GLIS3: variants seen among roughly 807,000 people sequenced by gnomAD.
GLIS3 encodes the protein zinc finger protein GLIS3.
Under a neutral mutation model 78.6 loss-of-function variants are expected in GLIS3, and 53 were observed. The observed-to-expected ratio is 0.67, with a 90% CI of 0.54 to 0.85. The LOEUF (loss-of-function observed/expected upper bound fraction) is 0.85, where lower values mean the gene tolerates loss of function less well. Among genes scored for constraint, GLIS3 ranks in the 40% least tolerant of loss-of-function variants. The pLI is 0.00. For missense variants in GLIS3, 1,703 were observed against 1,231.1 expected, an observed-to-expected ratio of 1.38 and a Z score of -5.74; for synonymous variants, 684 against 509.9, an observed-to-expected ratio of 1.34 and a Z score of -4.60.
intron 4 of GLIS3, among the ~76,000 whole-genome samples, chr9:3,955,283 T>C (rs1030572887): frequency 6.6e-6 from 1 of 152,192 alleles, no homozygotes; most frequent in African/African-American, 2.4e-5. Flanking sequence ...AAGTTTCACA[T>C]TGAAAGCTGA....
chr9:4,373,901 C>T, the GLIS3 span, among the ~76,000 whole-genome samples: 9 of 152,164 alleles, frequency 5.9e-5, no homozygotes, highest in African/African-American at 1.2e-4. Flanking sequence ...TTCCTGACCT[C>T]GTGATCTGCC....
intron 2 of GLIS3, among the ~76,000 whole-genome samples, chr9:4,132,584 A>G (rs1833059964): frequency 6.6e-6 from 1 of 152,108 alleles, no homozygotes; most frequent in South Asian, 2.1e-4. Context: ...ACACTTATCA[A>G]ATGCCAACCA....
chr9:4,020,211 C>G (rs1822767987), intron 4 of GLIS3, among the ~76,000 whole-genome samples: 1 of 152,162 alleles, frequency 6.6e-6, no homozygotes, highest in African/African-American at 2.4e-5. Context: ...GGGCATTCCT[C>G]CTGGTGTGCA....
intron 2 of GLIS3, among the ~76,000 whole-genome samples, chr9:4,316,761 G>C (rs1817442972): frequency 6.6e-6 from 1 of 152,160 alleles, no homozygotes; most frequent in African/African-American, 2.4e-5. Context: ...CCCTGAACTG[G>C]AATAAGCTGG....
chr9:4,454,739 G>A, the GLIS3 span, among the ~76,000 whole-genome samples: 6 of 152,074 alleles, frequency 3.9e-5, no homozygotes, highest in East Asian at 1.9e-4. Context: ...GTTCCAGGTC[G>A]GGACAGTTAG....
At position 4,096,419 on chromosome 9, in the gene GLIS3, T is replaced by A. The variant is rs574940638; in HGVS notation, c.1710+21349A>T. On this transcript the variant is annotated intron_variant, in intron 4 of 10. Transcript: ENST00000381971. ...AAAAACAAAAGTAACACATTCATCCTGCACATAACTCCAGAACTCTAAGTT... is the reference window on the plus strand; with the variant it reads ...AAAAACAAAAGTAACACATTCATCCAGCACATAACTCCAGAACTCTAAGTT... 2.0e-5 allele frequency among the ~76,000 whole-genome samples: 3 copies of A among 152,380 alleles called. No individual in the cohort carries two copies. The South Asian group carries it at 6.2e-4, about 32-fold the overall frequency.
the GLIS3 span, among the ~76,000 whole-genome samples, chr9:4,477,686 T>C: frequency 6.6e-6 from 1 of 152,102 alleles, no homozygotes; most frequent in Non-Finnish European, 1.5e-5. Flanking sequence ...AGTGCTGGGA[T>C]TACAGGCATG....
At chr9:3,915,925 G>T (rs1824480508) in intron 6 of GLIS3, among the ~76,000 whole-genome samples, 1 of 152,066 alleles carries the variant, frequency 6.6e-6, no homozygotes, top group Admixed American at 6.6e-5. Context: ...ATCCTCCAAA[G>T]AACTAGGGAA....
At chr9:4,225,446 T>C (rs1276060044) in intron 2 of GLIS3, among the ~76,000 whole-genome samples, 1 of 152,216 alleles carries the variant, frequency 6.6e-6, no homozygotes, top group Non-Finnish European at 1.5e-5. Flanking sequence ...ATTTCCTCCA[T>C]TGGAATTCAG....
At chr9:4,269,978 G>C (rs1826357330) in intron 2 of GLIS3, among the ~76,000 whole-genome samples, 4 of 152,180 alleles carry the variant, frequency 2.6e-5, no homozygotes, top group Admixed American at 2.6e-4. Context: ...TGCCCCACAG[G>C]TGTTTGTAAT....
intron 4 of GLIS3, among the ~76,000 whole-genome samples, chr9:4,025,656 G>C (rs1387843875): frequency 1.3e-5 from 2 of 152,136 alleles, no homozygotes; most frequent in Admixed American, 6.5e-5. Context: ...AAAATGCTGG[G>C]ATTACAGGTG....
intron 5 of GLIS3, among the ~76,000 whole-genome samples, chr9:3,935,252 G>T (rs1825825978): frequency 6.6e-6 from 1 of 152,154 alleles, no homozygotes; most frequent in Admixed American, 6.5e-5. Flanking sequence ...TTACTAATTT[G>T]TTAAATGCAG....
chr9:4,435,763 T>A, the GLIS3 span, among the ~76,000 whole-genome samples: 6 of 151,782 alleles, frequency 4.0e-5, no homozygotes, highest in East Asian at 2.0e-4. Context: ...TCCTGGCTAA[T>A]ACAGTGAAAC....
intron 9 of GLIS3, among the ~76,000 whole-genome samples, chr9:3,830,229 G>C (rs977604769): frequency 1.3e-5 from 2 of 151,906 alleles, no homozygotes; most frequent in African/African-American, 4.8e-5. Flanking sequence ...ATTCAATGTA[G>C]TTTTCCTTGG....
chr9:4,446,667 G>T, the GLIS3 span, among the ~76,000 whole-genome samples: 3 of 140,290 alleles, frequency 2.1e-5, no homozygotes, highest in Non-Finnish European at 3.2e-5. Context: ...ACACCACCAT[G>T]CCCGGCTAAT....
chr9:3,863,231 A>G (rs1820340730), intron 8 of GLIS3, among the ~76,000 whole-genome samples: 1 of 152,220 alleles, frequency 6.6e-6, no homozygotes, highest in Non-Finnish European at 1.5e-5. Flanking sequence ...CTGGGTGACT[A>G]TAGTATCTAC....
intron 4 of GLIS3, among the ~76,000 whole-genome samples, chr9:4,063,432 T>G (rs1158457380): frequency 1.3e-5 from 2 of 151,998 alleles, no homozygotes; most frequent in East Asian, 3.9e-4. Flanking sequence ...TAGGAATGAA[T>G]GATTATTAAA....
the GLIS3 span, among the ~76,000 whole-genome samples, chr9:4,471,124 G>T: frequency 6.6e-6 from 1 of 152,074 alleles, no homozygotes; most frequent in African/African-American, 2.4e-5. Context: ...ACAAATGGAA[G>T]AACGTTCCAT....
intron 2 of GLIS3, among the ~76,000 whole-genome samples, chr9:4,339,602 G>C (rs1817803286): frequency 6.6e-6 from 1 of 150,518 alleles, no homozygotes; most frequent in African/African-American, 2.4e-5. Flanking sequence ...ATCCGTCTCT[G>C]TTGTGTGTAT....
Sources: gnomAD v4.1 joint callset for allele counts (sites outside exome capture counted in the v4.1 genomes callset) on GRCh38, gnomAD v4.1.1 for gene constraint, MANE v1.5 for transcripts, NCBI Gene and HGNC (gene_info 2026-07-23, HGNC 2026-07-21) for gene names.